PRSS12: variants seen among roughly 807,000 people sequenced by gnomAD.
PRSS12 encodes the protein neurotrypsin.
In PRSS12, 85 loss-of-function variants were observed where a neutral mutation model predicts 104.4. That is an observed-to-expected ratio of 0.81 (90% CI 0.68 to 0.98). The LOEUF (loss-of-function observed/expected upper bound fraction) is 0.98. Among genes scored for constraint, PRSS12 ranks in the 50% least tolerant of loss-of-function variants. PRSS12 has a pLI of 0.00. For synonymous variants in PRSS12, 454 were observed against 425.2 expected (o/e 1.07, Z -0.83); for missense variants, 1,141 against 1,139.2 (o/e 1.00, Z -0.02).
intron 4 of PRSS12, among the ~76,000 whole-genome samples, chr4:118,330,238 T>G (rs1156965159): frequency 1.3e-5 from 2 of 152,162 alleles, no homozygotes; most frequent in African/African-American, 4.8e-5. Flanking sequence ...TCAGCTTCAT[T>G]TGTGGGGAAA....
intron 5 of PRSS12, among the ~76,000 whole-genome samples, chr4:118,317,775 C>T (rs1560776150): frequency 6.6e-6 from 1 of 152,170 alleles, no homozygotes; most frequent in Non-Finnish European, 1.5e-5. Flanking sequence ...GTTCTTTTTA[C>T]TAAATGGTTT....
chr4:118,281,980 C>G lies in PRSS12; in HGVS notation c.2584G>C (p.Val862Leu), dbSNP rs1742873102. ...VKDSPGVYTKVSAFVPWIKSV... is the reference protein window; with the variant it reads ...VKDSPGVYTKLSAFVPWIKSV... ...TTTATCCAAGGTACAAAGGCTGAGA[C>G]TTTGGTATAAACACCAGGAGAATCC... is the stretch of plus-strand genomic sequence containing the variant. Residue 862 changes from valine to leucine, a missense_variant, in exon 13 of 13, where the codon GTC (valine) becomes CTC (leucine). Physicochemically the swap from Val to Leu is conservative, Grantham distance 32. Transcript: ENST00000296498. 6.6e-7 allele frequency: 1 copy of G among 1,522,912 alleles called. No homozygotes were observed. The highest frequency in any genetic ancestry group is 9.1e-7 in the Non-Finnish European group (1 of 1,096,686). The allele number at this position is 1,522,912 out of a possible 1,614,324, so 94.3% of individuals were successfully genotyped here.
chr4:118,282,203 G>C lies in PRSS12; in HGVS notation c.2361C>G (p.Pro787=). ...CTTCACAAAACCTTTTAGGAAGTAAGGGAATGGCTGCTTGTTGTAGTGTTC... is the reference window on the plus strand; with the variant it reads ...CTTCACAAAACCTTTTAGGAAGTAACGGAATGGCTGCTTGTTGTAGTGTTC... The part of the protein sequence containing the change: ...YSRTLQQAAI[P]LLPKRFCEER... The change falls in exon 13 of 13, where the codon CCC becomes CCG. Residue 787 remains proline (P), a synonymous_variant. Transcript: ENST00000296498. 2.5e-6 allele frequency: 4 copies of C among 1,614,168 alleles called. No individual in the cohort carries two copies. Among genetic ancestry groups the C allele is most frequent in the Non-Finnish European group, 3.4e-6 (4 of 1,180,030 alleles).
At chr4:118,294,861 G>A in intron 11 of PRSS12, 78 bp downstream of exon 11, 1 of 1,577,580 alleles carries the variant, frequency 6.3e-7, no homozygotes, top group East Asian at 2.2e-5. Flanking sequence ...GACACCTTGA[G>A]TGCTGTAGAG....
At position 118,280,978 on chromosome 4, in the gene PRSS12, G is replaced by C. The variant is rs1742832089; in HGVS notation, c.*958C>G. ...GTGCCTGGCATATGTTATAACTGCTGTATGTATTAGAACTTTTCAATGTGT... is the reference window on the plus strand; with the variant it reads ...GTGCCTGGCATATGTTATAACTGCTCTATGTATTAGAACTTTTCAATGTGT... On this transcript the variant is annotated 3_prime_UTR_variant, in exon 13 of 13. Transcript: ENST00000296498. 6.6e-6 allele frequency: 1 copy of C among 152,228 alleles called. No homozygotes were observed. Among genetic ancestry groups the C allele is most frequent in the Non-Finnish European group, 1.5e-5 (1 of 68,046 alleles). 9.4% of individuals were successfully genotyped at this position (152,228 alleles called of 1,614,324 possible). A position where few individuals can be genotyped will look rare whatever the true frequency, so the allele number is the denominator to read the frequency against.
At position 118,294,826 on chromosome 4, in the gene PRSS12, C is replaced by T. The variant is rs935338830; in HGVS notation, c.2039+113G>A. ...CATTCCACAGGGCTGCTGGCACAAG[C>T]AGCGAAAGCTCATAGCCTGGCTCTG... On this transcript the variant is annotated intron_variant, in intron 11 of 12. Coordinates refer to ENST00000296498, the MANE Select transcript of PRSS12 (RefSeq NM_003619.4). 5.6e-6 allele frequency: 8 copies of T among 1,434,562 alleles called. No individual in the cohort carries two copies. The South Asian group carries it at 8.1e-5, about 14-fold the overall frequency. 88.9% of individuals were successfully genotyped at this position (1,434,562 alleles called of 1,614,324 possible).
rs772219645 is a variant in PRSS12, at chr4:118,283,064, T to C, written c.2087A>G (p.His696Arg). 5 of 1,614,100 alleles carry C rather than the reference T, an allele frequency of 3.1e-6. 1 individual carries two copies. In the East Asian group the frequency reaches 1.1e-4, roughly 36 times the overall value. ...CTCAAACTCCTCTGGTACCAGAGTATGATAATCTCCAACCCTAACAGCATA... is the reference window on the plus strand; with the variant it reads ...CTCAAACTCCTCTGGTACCAGAGTACGATAATCTCCAACCCTAACAGCATA... ...RSYAVRVGDY[H>R]TLVPEEFEEE... The change falls in exon 12 of 13, where the codon CAT becomes CGT. Residue 696 changes from histidine to arginine, a missense_variant. His to Arg is a conservative substitution (Grantham distance 29, BLOSUM62 0). Coordinates refer to ENST00000296498, the MANE Select transcript of PRSS12 (RefSeq NM_003619.4).
Position 118,282,847 on chromosome 4 carries a change from T to C in PRSS12, c.2304A>G (p.Thr768=). 1 of 1,614,194 alleles carries C rather than the reference T, an allele frequency of 6.2e-7. No homozygotes were observed. The highest frequency in any genetic ancestry group is 8.5e-7 in the Non-Finnish European group (1 of 1,180,030). Residue 768 remains threonine, a synonymous_variant, in exon 12 of 13, where the codon ACA becomes ACG. Transcript: ENST00000296498. The part of the protein sequence containing the change: ...PQKTASNCYI[T]GWGDTGRAYS... ...ATGCCTTACCTGTGTCACCCCATCC[T>C]GTTATGTAACAGTTGGATGCTGTTT... is the stretch of plus-strand genomic sequence containing the variant.
chr4:118,299,712 T>TAAATAAAATAAAATAAAATA (rs1206224261), intron 8 of PRSS12, among the ~76,000 whole-genome samples: 6 of 63,814 alleles, frequency 9.4e-5, no homozygotes, highest in East Asian at 9.0e-4. Context: ...ATAAATAAAA[T>TAAATAAAATAAAATAAAATA]AAATAAAATA....
chr4:118,295,926 A>C, intron 9 of PRSS12, 70 bp from the exon 10 acceptor site: 2 of 1,332,092 alleles, frequency 1.5e-6, no homozygotes, highest in Non-Finnish European at 1.1e-6. Context: ...TAAGTGACAT[A>C]CTCCACTGAT....
chr4:118,348,698 C>A (rs1341038928), intron 1 of PRSS12, among the ~76,000 whole-genome samples: 2 of 149,600 alleles, frequency 1.3e-5, no homozygotes, highest in Non-Finnish European at 3.0e-5. Flanking sequence ...GTTGCCCAGA[C>A]TGGAGTGCAA....
At chr4:118,283,179 C>T (rs1442734088) in intron 11 of PRSS12, 68 bp from the exon 12 acceptor site, 1 of 1,560,600 alleles carries the variant, frequency 6.4e-7, no homozygotes, top group Non-Finnish European at 8.8e-7. Flanking sequence ...AGAAGGAAGA[C>T]TAATGAAGAT....
intron 1 of PRSS12, among the ~76,000 whole-genome samples, chr4:118,340,712 G>C (rs1216873172): frequency 1.3e-5 from 2 of 152,182 alleles, no homozygotes; most frequent in Non-Finnish European, 2.9e-5. Flanking sequence ...TAGGATAAAA[G>C]GCATATAAAT....
At position 118,352,838 on chromosome 4, in the gene PRSS12, C is replaced by A. The variant is rs938246821; in HGVS notation, c.-118G>T. 6.3e-5 allele frequency: 94 copies of A among 1,498,944 alleles called. No individual in the cohort carries two copies. The African/African-American group carries it at 8.8e-4, about 14-fold the overall frequency. 92.9% of individuals were successfully genotyped at this position (1,498,944 alleles called of 1,614,324 possible). A position where few individuals can be genotyped will look rare whatever the true frequency, so the allele number is the denominator to read the frequency against. On this transcript the variant is annotated 5_prime_UTR_variant, in exon 1 of 13. Coordinates refer to ENST00000296498, the MANE Select transcript of PRSS12 (RefSeq NM_003619.4). ...CTCGAATCCCCCAGCCCCCTCCCGCCCCCGCACGCGGACCGCCCTCGCCTC... is the reference window on the plus strand; with the variant it reads ...CTCGAATCCCCCAGCCCCCTCCCGCACCCGCACGCGGACCGCCCTCGCCTC...
At chr4:118,297,748 T>C (rs1743287353) in intron 9 of PRSS12, among the ~76,000 whole-genome samples, 2 of 152,134 alleles carry the variant, frequency 1.3e-5, no homozygotes, top group Admixed American at 6.5e-5. Flanking sequence ...CTATAAACTT[T>C]CAATCCAGAT....
chr4:118,322,069 T>C (rs190271039), intron 4 of PRSS12, among the ~76,000 whole-genome samples: 116 of 152,264 alleles, frequency 7.6e-4, no homozygotes, highest in Non-Finnish European at 7.5e-4. Flanking sequence ...GTATTTTATT[T>C]AAAAAGGCTG....
chr4:118,313,299 T>G lies in PRSS12; in HGVS notation c.1391A>C (p.Gln464Pro). 1 of 1,614,092 alleles carries G rather than the reference T, an allele frequency of 6.2e-7. No individual in the cohort carries two copies. Among genetic ancestry groups the G allele is most frequent in the Non-Finnish European group, 8.5e-7 (1 of 1,179,998 alleles). ...SCSGKETRFL[Q>P]CSRRQWGRHD... is the part of the protein sequence containing the mutation. ...CCTTCCCCACTGTCGCCTGGAACAC[T>G]GAAGAAATCTGGTTTCCTTTCCTGA... The change falls in exon 7 of 13, where the codon CAG (glutamine) becomes CCG (proline). Residue 464 changes from glutamine to proline, a missense_variant. Physicochemically the swap from Gln to Pro is moderately conservative, Grantham distance 76. Transcript: ENST00000296498.
At chr4:118,339,872 A>G (rs555402265) in intron 1 of PRSS12, among the ~76,000 whole-genome samples, 4 of 152,298 alleles carry the variant, frequency 2.6e-5, no homozygotes, top group African/African-American at 9.6e-5. Context: ...CAAAGAATTC[A>G]TTTGTTGACC....
chr4:118,341,283 C>G (rs1236908061), intron 1 of PRSS12, among the ~76,000 whole-genome samples: 1 of 152,188 alleles, frequency 6.6e-6, no homozygotes, highest in Non-Finnish European at 1.5e-5. Context: ...AGACCCAACA[C>G]TATATACATT....
Sources: allele counts gnomAD v4.1 joint callset (sites outside exome capture counted in the v4.1 genomes callset), GRCh38; gene constraint gnomAD v4.1.1; transcripts MANE v1.5; gene names NCBI Gene and HGNC (gene_info 2026-07-23, HGNC 2026-07-21).